The following GABBR2 variants were observed in gnomAD, a reference collection of about 807,000 sequenced individuals.
GABBR2 encodes gamma-aminobutyric acid type B receptor subunit 2.
GABBR2 carries 23 observed loss-of-function variants against 105.6 expected under a neutral mutation model. That is an observed-to-expected ratio of 0.22 (90% confidence interval 0.16 to 0.31). The LOEUF is 0.31. Ranked by LOEUF, GABBR2 falls within the 10% of genes least tolerant of loss-of-function variation. The pLI is 1.00. For missense variants in GABBR2, 734 were observed against 1,245.5 expected (o/e 0.59, Z 6.18); for synonymous variants, 478 against 499.7 (o/e 0.96, Z 0.58).
intron 8 of GABBR2, among the ~76,000 whole-genome samples, chr9:98,396,872 C>T (rs1832301487): frequency 6.6e-6 from 1 of 152,144 alleles, no homozygotes; most frequent in Non-Finnish European, 1.5e-5. Context: ...TAATACTCAG[C>T]TTCCCACCGA....
chr9:98,303,480 A>T lies in GABBR2; in HGVS notation c.2230-57T>A, dbSNP rs1232971763. 2.7e-6 allele frequency: 4 copies of T among 1,455,634 alleles called. No homozygotes were observed. The East Asian group carries it at 9.1e-5, about 33-fold the overall frequency. 90.2% of individuals were successfully genotyped at this position (1,455,634 alleles called of 1,614,324 possible). ...GAGAGAGCCTTGAGTCCTTCCTCCC[A>T]TCCCACATGGCAGACTCTCCCAGCA... On this transcript the variant is annotated intron_variant, in intron 15 of 18. Coordinates refer to ENST00000259455, the MANE Select transcript of GABBR2 (RefSeq NM_005458.8).
chr9:98,315,878 G>A (rs916298599), intron 13 of GABBR2, among the ~76,000 whole-genome samples: 5 of 152,228 alleles, frequency 3.3e-5, no homozygotes, highest in African/African-American at 1.2e-4. Context: ...CTTACATGAG[G>A]CCAGATTTCC....
intron 1 of GABBR2, among the ~76,000 whole-genome samples, chr9:98,619,299 G>C (rs7872682): frequency 6.6e-6 from 1 of 151,620 alleles, no homozygotes; most frequent in African/African-American, 2.4e-5. Context: ...ATTAGGCCTT[G>C]TGCCCATGGA....
At chr9:98,702,500 C>T (rs1002772469) in intron 1 of GABBR2, among the ~76,000 whole-genome samples, 2 of 152,292 alleles carry the variant, frequency 1.3e-5, no homozygotes, top group Middle Eastern at 3.4e-3. Context: ...TAGGATCACA[C>T]CCATGTTCAA....
At chr9:98,686,657 A>G (rs1830624589) in intron 1 of GABBR2, among the ~76,000 whole-genome samples, 1 of 152,030 alleles carries the variant, frequency 6.6e-6, no homozygotes, top group Non-Finnish European at 1.5e-5. Flanking sequence ...CGGCCTCCCA[A>G]AGTGCTGGGA....
chr9:98,314,641 G>A (rs1830686649), intron 13 of GABBR2, among the ~76,000 whole-genome samples: 2 of 152,134 alleles, frequency 1.3e-5, no homozygotes, highest in Admixed American at 6.5e-5. Flanking sequence ...CTTTCACGGA[G>A]CCACAGCCTT....
intron 2 of GABBR2, among the ~76,000 whole-genome samples, chr9:98,551,351 T>C (rs1474294980): frequency 6.6e-6 from 1 of 152,132 alleles, no homozygotes; most frequent in Non-Finnish European, 1.5e-5. Context: ...TGCAGTGAGC[T>C]GAGATCATGC....
intron 1 of GABBR2, among the ~76,000 whole-genome samples, chr9:98,647,615 C>T (rs1267960481): frequency 6.6e-6 from 1 of 152,190 alleles, no homozygotes; most frequent in African/African-American, 2.4e-5. Flanking sequence ...GTGCCCTATC[C>T]CCCTGGATAC....
At chr9:98,392,151 C>T (rs1832192855) in intron 9 of GABBR2, among the ~76,000 whole-genome samples, 1 of 152,152 alleles carries the variant, frequency 6.6e-6, no homozygotes, top group South Asian at 2.1e-4. Flanking sequence ...GGGGGCAGAG[C>T]CCGGGGCTGA....
At chr9:98,423,410 T>C (rs1832819284) in intron 7 of GABBR2, among the ~76,000 whole-genome samples, 1 of 152,226 alleles carries the variant, frequency 6.6e-6, no homozygotes, top group South Asian at 2.1e-4. Flanking sequence ...ATGTCTTCTT[T>C]TGAGAAGTGT....
At chr9:98,327,793 T>C (rs1471078888) in intron 13 of GABBR2, among the ~76,000 whole-genome samples, 5 of 151,562 alleles carry the variant, frequency 3.3e-5, no homozygotes, top group Admixed American at 6.6e-5. Flanking sequence ...CGCTTGAACC[T>C]GGGAGGTGGA....
At chr9:98,675,234 C>T (rs1830459527) in intron 1 of GABBR2, among the ~76,000 whole-genome samples, 1 of 152,104 alleles carries the variant, frequency 6.6e-6, no homozygotes, top group African/African-American at 2.4e-5. Context: ...GGCAGGATGG[C>T]AATGGTGCTT....
At chr9:98,352,382 T>A (rs545471377) in intron 13 of GABBR2, among the ~76,000 whole-genome samples, 42 of 152,170 alleles carry the variant, frequency 2.8e-4, no homozygotes, top group Non-Finnish European at 5.1e-4. Flanking sequence ...AGGTGGCTGG[T>A]CAGTCCTAAG....
intron 3 of GABBR2, among the ~76,000 whole-genome samples, chr9:98,537,484 T>C (rs1828205296): frequency 6.6e-6 from 1 of 152,090 alleles, no homozygotes; most frequent in Admixed American, 6.5e-5. Flanking sequence ...AGGGTCTCAC[T>C]GTCTCCCAAG....
chr9:98,417,616 A>T (rs1192166124), intron 7 of GABBR2, among the ~76,000 whole-genome samples: 3 of 152,128 alleles, frequency 2.0e-5, no homozygotes, highest in Non-Finnish European at 4.4e-5. Flanking sequence ...CTGGCCACAT[A>T]CAATGTTTGT....
chr9:98,684,951 T>C (rs926388571), intron 1 of GABBR2, among the ~76,000 whole-genome samples: 2 of 152,096 alleles, frequency 1.3e-5, no homozygotes, highest in African/African-American at 4.8e-5. Context: ...TAATATTGAG[T>C]GTCAACTTGA....
At position 98,352,884 on chromosome 9, in the gene GABBR2, G is replaced by A. The variant is rs1831424044; in HGVS notation, c.1893+9831C>T. On this transcript the variant is annotated intron_variant, in intron 13 of 18. Transcript: ENST00000259455. ...TGCTGCAGCCCTCTGGGTGGATGTGGGGGAATGTCAGTTGGGCTTCAGTAT... is the reference window on the plus strand; with the variant it reads ...TGCTGCAGCCCTCTGGGTGGATGTGAGGGAATGTCAGTTGGGCTTCAGTAT... 3.9e-5 allele frequency among the ~76,000 whole-genome samples: 6 copies of A among 152,132 alleles called. No individual in the cohort carries two copies. The South Asian group carries it at 1.2e-3, about 32-fold the overall frequency.
chr9:98,316,275 C>T (rs1355466003), intron 13 of GABBR2, among the ~76,000 whole-genome samples: 2 of 152,114 alleles, frequency 1.3e-5, no homozygotes, highest in Admixed American at 6.5e-5. Flanking sequence ...CCTCAGGCTC[C>T]CGAATAGCTG....
intron 6 of GABBR2, among the ~76,000 whole-genome samples, chr9:98,463,090 T>A (rs995818781): frequency 2.6e-5 from 4 of 152,198 alleles, no homozygotes; most frequent in Non-Finnish European, 4.4e-5. Context: ...GGTTTCACTA[T>A]GTTGGCCAGG....
Sources: gnomAD v4.1 joint callset for allele counts (sites outside exome capture counted in the v4.1 genomes callset) on GRCh38, gnomAD v4.1.1 for gene constraint, MANE v1.5 for transcripts, NCBI Gene and HGNC (gene_info 2026-07-23, HGNC 2026-07-21) for gene names.